EXOC6B: variants seen among roughly 807,000 people sequenced by gnomAD.
EXOC6B encodes the protein exocyst complex component 6B.
In EXOC6B, 54 loss-of-function variants were observed where a neutral mutation model predicts 113.5. The ratio of observed to expected loss-of-function variants is 0.48; its 90% CI spans 0.38 to 0.60. The LOEUF (loss-of-function observed/expected upper bound fraction) is 0.60. Ranked by LOEUF, EXOC6B falls within the 20% of genes least tolerant of loss-of-function variation. The pLI is 0.00. For synonymous variants in EXOC6B, 357 were observed against 339.0 expected (o/e 1.05, Z -0.58); for missense variants, 797 against 977.5 (o/e 0.82, Z 2.46).
At chr2:72,183,995 G>A in intron 21 of EXOC6B, 80 bp downstream of exon 21, 2 of 781,044 alleles carry the variant, frequency 2.6e-6, no homozygotes, top group East Asian at 5.7e-5. Context: ...GGTATTGGCA[G>A]TGGCAAAATT....
chr2:72,307,871 G>A (rs1164149770), intron 20 of EXOC6B, among the ~76,000 whole-genome samples: 2 of 152,016 alleles, frequency 1.3e-5, no homozygotes, highest in African/African-American at 4.8e-5. Context: ...AAAGGTTAAT[G>A]GATTCCTCTA....
chr2:72,796,293 A>C (rs1202468389), intron 1 of EXOC6B, among the ~76,000 whole-genome samples: 4 of 151,616 alleles, frequency 2.6e-5, no homozygotes, highest in Admixed American at 6.6e-5. Context: ...ATCTCTACTA[A>C]AAATACAAAA....
At chr2:72,614,620 T>G (rs903818810) in intron 6 of EXOC6B, among the ~76,000 whole-genome samples, 1 of 152,148 alleles carries the variant, frequency 6.6e-6, no homozygotes, top group African/African-American at 2.4e-5. Context: ...TTAATTATAT[T>G]TCTAGTAATG....
chr2:72,274,627 A>G (rs1199045393), intron 20 of EXOC6B, among the ~76,000 whole-genome samples: 1 of 152,138 alleles, frequency 6.6e-6, no homozygotes, highest in Non-Finnish European at 1.5e-5. Context: ...CTTCTTTTGA[A>G]ATAGGAAAAC....
intron 6 of EXOC6B, among the ~76,000 whole-genome samples, chr2:72,602,869 C>T (rs1210375648): frequency 2.6e-5 from 4 of 152,150 alleles, no homozygotes; most frequent in Non-Finnish European, 5.9e-5. Context: ...AAATTAATCA[C>T]AGCCATCAAT....
chr2:72,737,281 T>C (rs1001108589), intron 2 of EXOC6B, among the ~76,000 whole-genome samples: 2 of 151,942 alleles, frequency 1.3e-5, no homozygotes, highest in Non-Finnish European at 2.9e-5. Context: ...GAGGCAGACA[T>C]TGCAGTGAGC....
chr2:72,368,116 C>T (rs578088673), intron 19 of EXOC6B, among the ~76,000 whole-genome samples: 1 of 152,074 alleles, frequency 6.6e-6, no homozygotes, highest in Non-Finnish European at 1.5e-5. Flanking sequence ...CCAGGCAGTG[C>T]AGCTCATAGC....
intron 8 of EXOC6B, among the ~76,000 whole-genome samples, chr2:72,557,838 G>A: frequency 6.6e-6 from 1 of 151,832 alleles, no homozygotes. Flanking sequence ...ACATATATCA[G>A]ACAATATTAA....
chr2:72,612,493 T>C (rs1414045140), intron 6 of EXOC6B, among the ~76,000 whole-genome samples: 1 of 147,684 alleles, frequency 6.8e-6, no homozygotes, highest in Non-Finnish European at 1.5e-5. Flanking sequence ...TGCGCTTAAG[T>C]AAAAAAAAAA....
chr2:72,667,084 C>A (rs1424340788), intron 6 of EXOC6B, among the ~76,000 whole-genome samples: 2 of 151,888 alleles, frequency 1.3e-5, no homozygotes, highest in African/African-American at 4.8e-5. Flanking sequence ...AGGATGGTAA[C>A]TTTCTCCTGA....
At chr2:72,292,268 G>T (rs982371709) in intron 20 of EXOC6B, among the ~76,000 whole-genome samples, 1 of 149,146 alleles carries the variant, frequency 6.7e-6, no homozygotes, top group African/African-American at 2.5e-5. Context: ...ATAACTACTG[G>T]TCTATATCAA....
chr2:72,210,867 C>T (rs945970072), intron 20 of EXOC6B, among the ~76,000 whole-genome samples: 1 of 152,174 alleles, frequency 6.6e-6, no homozygotes, highest in Non-Finnish European at 1.5e-5. Flanking sequence ...CGGCTGTGGA[C>T]TCTTGGATAT....
At chr2:72,779,329 A>G (rs983326403) in intron 1 of EXOC6B, among the ~76,000 whole-genome samples, 2 of 151,596 alleles carry the variant, frequency 1.3e-5, no homozygotes, top group African/African-American at 4.8e-5. Context: ...TGTACATATT[A>G]TAACTTGCTG....
chr2:72,378,050 AGAT>A (rs1427556341), intron 19 of EXOC6B, among the ~76,000 whole-genome samples: 1 of 151,968 alleles, frequency 6.6e-6, no homozygotes, highest in Non-Finnish European at 1.5e-5. Context: ...TAAATGCAAA[AGAT>A]GTTTAGCTGG....
chr2:72,350,560 T>C (rs573922646), intron 19 of EXOC6B, among the ~76,000 whole-genome samples: 1 of 152,328 alleles, frequency 6.6e-6, no homozygotes, highest in African/African-American at 2.4e-5. Context: ...ATGTGGTGTT[T>C]TCCCTTTTCT....
intron 16 of EXOC6B, among the ~76,000 whole-genome samples, chr2:72,485,424 A>G (rs1332156250): frequency 6.6e-6 from 1 of 152,232 alleles, no homozygotes; most frequent in Non-Finnish European, 1.5e-5. Context: ...AATGCCTCTC[A>G]ACTGTTAAAT....
At chr2:72,379,464 C>T (rs748671835) in intron 19 of EXOC6B, among the ~76,000 whole-genome samples, 32 of 152,166 alleles carry the variant, frequency 2.1e-4, no homozygotes, top group Admixed American at 3.9e-4. Context: ...ATTAAATGCA[C>T]GCCTCCCTTA....
chr2:72,526,064 C>T (rs1231792883), intron 8 of EXOC6B, among the ~76,000 whole-genome samples: 2 of 152,142 alleles, frequency 1.3e-5, no homozygotes, highest in African/African-American at 2.4e-5. Flanking sequence ...CTAACTTACA[C>T]TTGTCAATCT....
intron 19 of EXOC6B, among the ~76,000 whole-genome samples, chr2:72,376,867 T>C (rs1218615967): frequency 6.6e-6 from 1 of 152,042 alleles, no homozygotes; most frequent in Non-Finnish European, 1.5e-5. Flanking sequence ...TTCTTCCTCA[T>C]CCTTCAAAGG....
Sources: gnomAD v4.1 joint callset for allele counts (sites outside exome capture counted in the v4.1 genomes callset) on GRCh38, gnomAD v4.1.1 for gene constraint, MANE v1.5 for transcripts, NCBI Gene and HGNC (gene_info 2026-07-23, HGNC 2026-07-21) for gene names.